Variants in ANKRD27 observed in about 807,000 individuals in gnomAD.
The protein encoded by ANKRD27 is ankyrin repeat domain-containing protein 27.
ANKRD27 carries 112 observed loss-of-function variants against 129.7 expected under a neutral mutation model. The ratio of observed to expected loss-of-function variants is 0.86; its 90% CI spans 0.74 to 1.01. The LOEUF (loss-of-function observed/expected upper bound fraction) is 1.01, where lower values mean the gene tolerates loss of function less well. Ranked by LOEUF, ANKRD27 falls within the 50% of genes least tolerant of loss-of-function variation. The pLI is 0.00. For synonymous variants in ANKRD27, 516 were observed against 511.2 expected (o/e 1.01, Z -0.13); for missense variants, 1,258 against 1,300.5 (o/e 0.97, Z 0.50).
chr19:32,643,072 ACAG>A, intron 9 of ANKRD27, 48 bp downstream of exon 9: 1 of 1,583,016 alleles, frequency 6.3e-7, no homozygotes, highest in South Asian at 1.1e-5. Flanking sequence ...CCGGGAGAAG[ACAG>A]CACCCCTGCC....
intron 1 of ANKRD27, among the ~76,000 whole-genome samples, chr19:32,667,277 A>G (rs923887482): frequency 2.6e-5 from 4 of 152,208 alleles, no homozygotes; most frequent in Non-Finnish European, 4.4e-5. Context: ...TGTGAGCACA[A>G]TTTTGCCCAA....
chr19:32,672,179 G>C (rs1166872690), intron 1 of ANKRD27, among the ~76,000 whole-genome samples: 1 of 152,230 alleles, frequency 6.6e-6, no homozygotes, highest in South Asian at 2.1e-4. Context: ...CTCTGACCAG[G>C]AACGCTTCCC....
intron 23 of ANKRD27, among the ~76,000 whole-genome samples, chr19:32,606,805 C>T (rs1378405840): frequency 6.6e-6 from 1 of 151,574 alleles, no homozygotes; most frequent in African/African-American, 2.4e-5. Flanking sequence ...ACACAGTTTT[C>T]CTTAAAGAAA....
intron 1 of ANKRD27, among the ~76,000 whole-genome samples, chr19:32,674,350 T>C (rs921414150): frequency 2.0e-5 from 3 of 152,136 alleles, no homozygotes; most frequent in African/African-American, 7.2e-5. Flanking sequence ...CTGCATGCTC[T>C]AAATCCTCAG....
At chr19:32,600,083 C>T in intron 26 of ANKRD27, 33 bp from the exon 27 acceptor site, 4 of 1,426,634 alleles carry the variant, frequency 2.8e-6, no homozygotes, top group Non-Finnish European at 3.9e-6. Context: ...CTAAAAACTT[C>T]AAAAACAGTT....
intron 1 of ANKRD27, among the ~76,000 whole-genome samples, chr19:32,666,645 T>C (rs950936478): frequency 1.4e-5 from 2 of 146,886 alleles, no homozygotes; most frequent in African/African-American, 2.5e-5. Context: ...ATTTCTATTT[T>C]TTTTTTTTTT....
chr19:32,634,331 C>T (rs1045231573), intron 12 of ANKRD27, among the ~76,000 whole-genome samples: 11 of 152,212 alleles, frequency 7.2e-5, no homozygotes, highest in Admixed American at 3.9e-4. Context: ...GAAGCCACGA[C>T]GCCTGCTCCG....
At chr19:32,657,260 G>A (rs1322819959) in intron 2 of ANKRD27, among the ~76,000 whole-genome samples, 4 of 151,810 alleles carry the variant, frequency 2.6e-5, no homozygotes, top group Non-Finnish European at 5.9e-5. Flanking sequence ...TCAGGAGATC[G>A]AGACCATCCT....
At chr19:32,634,402 A>T (rs1030314928) in intron 12 of ANKRD27, among the ~76,000 whole-genome samples, 1 of 152,234 alleles carries the variant, frequency 6.6e-6, no homozygotes, top group Non-Finnish European at 1.5e-5. Context: ...TGGGCTTCAC[A>T]GCCAGCCGTG....
In ANKRD27 at chr19:32,642,218, A is replaced by G. The variant is rs537172541; in HGVS notation, c.783-73T>C. 6.9e-6 allele frequency: 9 copies of G among 1,306,974 alleles called. No individual in the cohort carries two copies. In the East Asian group the frequency reaches 1.6e-4, roughly 23 times the overall value. The allele number at this position is 1,306,974 out of a possible 1,614,324, so 81.0% of individuals were successfully genotyped here. A position where few individuals can be genotyped will look rare whatever the true frequency, so the allele number is the denominator to read the frequency against. ...CCCTCTGGCCTGGATCTAAGAACACATCTCAGGATCTACACTTCTCACAAC... is the reference window on the plus strand; with the variant it reads ...CCCTCTGGCCTGGATCTAAGAACACGTCTCAGGATCTACACTTCTCACAAC... On this transcript the variant is annotated intron_variant, in intron 9 of 28. Transcript: ENST00000306065.
chr19:32,621,782 C>T (rs1186599238), intron 18 of ANKRD27, among the ~76,000 whole-genome samples: 1 of 152,120 alleles, frequency 6.6e-6, no homozygotes, highest in African/African-American at 2.4e-5. Flanking sequence ...CTCCATTTCA[C>T]AGGGCCCTGT....
At position 32,618,046 on chromosome 19, in the gene ANKRD27, C is replaced by A. The variant is rs1042086725; in HGVS notation, c.2008-413G>T. 1.1e-4 allele frequency among the ~76,000 whole-genome samples: 16 copies of A among 152,236 alleles called. No individual in the cohort carries two copies. The East Asian group carries it at 3.1e-3, about 29-fold the overall frequency. On this transcript the variant is annotated intron_variant, in intron 20 of 28. Transcript: ENST00000306065. ...GTGCTGGCATTACAGGCGTGAGCCA[C>A]CACGCCCGGCTGATTTAGTATCCTG...
chr19:32,660,121 G>C (rs1967616684), intron 1 of ANKRD27, among the ~76,000 whole-genome samples: 1 of 152,134 alleles, frequency 6.6e-6, no homozygotes, highest in Non-Finnish European at 1.5e-5. Flanking sequence ...TAAAATTTCT[G>C]TTAGTCTGTG....
intron 18 of ANKRD27, among the ~76,000 whole-genome samples, chr19:32,621,414 G>GTC (rs1972008111): frequency 6.6e-6 from 1 of 152,178 alleles, no homozygotes; most frequent in Admixed American, 6.5e-5. Context: ...ATCACCTGAG[G>GTC]TCAGGAGTTC....
At chr19:32,616,656 C>T (rs1233248677) in intron 21 of ANKRD27, among the ~76,000 whole-genome samples, 2 of 152,182 alleles carry the variant, frequency 1.3e-5, no homozygotes, top group South Asian at 2.1e-4. Context: ...CCAATGTCCA[C>T]TCATTTCACT....
At chr19:32,643,543 T>A (rs1169292968) in intron 6 of ANKRD27, 29 bp downstream of exon 6, 2 of 1,613,830 alleles carry the variant, frequency 1.2e-6, no homozygotes, top group East Asian at 4.5e-5. Context: ...TGCACCACAA[T>A]TCTCCCTCTC....
In ANKRD27 at chr19:32,613,398, C is replaced by T. The variant is rs534979411; in HGVS notation, c.2175+2260G>A. 1.1e-4 allele frequency among the ~76,000 whole-genome samples: 17 copies of T among 152,280 alleles called. No homozygotes were observed. The East Asian group carries it at 3.1e-3, about 28-fold the overall frequency. ...TTATAAAAATGAACCATGGAATTGC[C>T]ATGCAATGACCATATGACTCCACAA... On this transcript the variant is annotated intron_variant, in intron 22 of 28. Coordinates refer to ENST00000306065, the MANE Select transcript of ANKRD27 (RefSeq NM_032139.3).
Position 32,599,789 on chromosome 19 carries a change from A to G in ANKRD27, c.2847-13T>C. ...TGAAGTCTTTCCCCTAAAACCCAAA[A>G]TAAACGAAAATAAATATTTGGGACA... is the stretch of plus-strand genomic sequence containing the variant. On this transcript the variant is annotated splice_polypyrimidine_tract_variant and intron_variant, in intron 27 of 28. Coordinates refer to ENST00000306065, the MANE Select transcript of ANKRD27 (RefSeq NM_032139.3). 6.2e-7 allele frequency: 1 copy of G among 1,610,706 alleles called. No homozygotes were observed. The highest frequency in any genetic ancestry group is 8.5e-7 in the Non-Finnish European group (1 of 1,178,940).
chr19:32,628,657 G>A (rs1040357680), intron 14 of ANKRD27, 65 bp downstream of exon 14: 16 of 1,600,912 alleles, frequency 1.0e-5, no homozygotes, highest in Non-Finnish European at 1.3e-5. Flanking sequence ...GCGCACAGTG[G>A]AGAAGGTCCA....
Sources: allele counts gnomAD v4.1 joint callset (sites outside exome capture counted in the v4.1 genomes callset), GRCh38; gene constraint gnomAD v4.1.1; transcripts MANE v1.5; gene names NCBI Gene and HGNC (gene_info 2026-07-23, HGNC 2026-07-21).